Variants in DPY19L3 observed in about 807,000 individuals in gnomAD.
DPY19L3 encodes the protein dpy-19 like C-mannosyltransferase 3, also known as protein C-mannosyl-transferase DPY19L3.
DPY19L3 carries 51 observed loss-of-function variants against 92.3 expected under a neutral mutation model. The ratio of observed to expected loss-of-function variants is 0.55; its 90% CI spans 0.44 to 0.70. The LOEUF (loss-of-function observed/expected upper bound fraction) is 0.70. DPY19L3 is among the 30% of genes least tolerant of loss of function. The pLI is 0.00. For synonymous variants in DPY19L3, 309 were observed against 315.2 expected (o/e 0.98, Z 0.21); for missense variants, 706 against 855.9 (o/e 0.82, Z 2.18).
intron 8 of DPY19L3, among the ~76,000 whole-genome samples, chr19:32,445,450 A>AAAAAAAAAAAAAAAAAAAAAAAAAAAC (rs1969464698): frequency 6.7e-6 from 1 of 148,898 alleles, no homozygotes. Context: ...CAAAAAAAAA[A>AAAAAAAAAAAAAAAAAAAAAAAAAAAC]AAAAAAAAAA....
Position 32,411,301 on chromosome 19 carries a change from T to C in DPY19L3, c.166T>C (p.Cys56Arg). The C allele has an allele frequency of 6.2e-7, 1 of 1,613,760 alleles. No homozygotes were observed. The highest frequency in any genetic ancestry group is 8.5e-7 in the Non-Finnish European group (1 of 1,179,900). ...GACAATTGGTGGAACCATTGCCCTT[T>C]GCATTGGACTTCTTACATCTGTCTA... ...SLTIGGTIAL[C>R]IGLLTSVYLA... is the part of the protein sequence containing the mutation. Residue 56 changes from cysteine to arginine, a missense_variant, in exon 3 of 19, where the codon TGC becomes CGC. Transcript: ENST00000392250.
chr19:32,472,593 A>C (rs1970391603), intron 16 of DPY19L3, among the ~76,000 whole-genome samples: 1 of 151,012 alleles, frequency 6.6e-6, no homozygotes, highest in Non-Finnish European at 1.5e-5. Context: ...GTAGTTTTAA[A>C]GGTTTTCTGT....
chr19:32,423,427 T>TTTTTTTTGG (rs1297462068), intron 3 of DPY19L3, among the ~76,000 whole-genome samples: 1 of 137,590 alleles, frequency 7.3e-6, no homozygotes, highest in Non-Finnish European at 1.7e-5. Flanking sequence ...TTTTGGTATT[T>TTTTTTTTGG]TTAGTAGAGA....
In DPY19L3 at chr19:32,456,014, C is replaced by T. The variant is rs563561549; in HGVS notation, c.1089+974C>T. Among the ~76,000 whole-genome samples, 7 of 151,268 alleles carry T rather than the reference C, an allele frequency of 4.6e-5. No individual in the cohort carries two copies. The East Asian group carries it at 9.7e-4, about 21-fold the overall frequency. On this transcript the variant is annotated intron_variant, in intron 10 of 18. Transcript: ENST00000392250. ...CCACAAGAGAACTGTGGTCCTTGTT[C>T]ACGTCTGTTGACTATCAAAGAAAAA...
At chr19:32,423,964 G>A (rs1968668595) in intron 3 of DPY19L3, among the ~76,000 whole-genome samples, 1 of 151,832 alleles carries the variant, frequency 6.6e-6, no homozygotes, top group Non-Finnish European at 1.5e-5. Context: ...CATTAGCTAA[G>A]ATTGTGCCAT....
rs113575974 is a variant in DPY19L3 at position 32,436,712 on chromosome 19, A to G, written c.450+145A>G. 50 of 745,554 alleles carry G rather than the reference A, an allele frequency of 6.7e-5. 1 individual carries two copies. In the African/African-American group the frequency reaches 7.3e-4, roughly 11 times the overall value. 46.2% of individuals were successfully genotyped at this position (745,554 alleles called of 1,614,324 possible). On this transcript the variant is annotated intron_variant, in intron 5 of 18. Coordinates refer to ENST00000392250, the MANE Select transcript of DPY19L3 (RefSeq NM_001172774.2). ...ACTATATTTTTTTTCCATGTATATT[A>G]TGAACTTTATAAGATACTGCTTTTT...
At chr19:32,448,260 T>C (rs1184803447) in intron 8 of DPY19L3, among the ~76,000 whole-genome samples, 2 of 152,182 alleles carry the variant, frequency 1.3e-5, no homozygotes, top group African/African-American at 2.4e-5. Context: ...TGCTATTTTA[T>C]TAATGTTAAA....
chr19:32,447,292 C>T (rs993918595), intron 8 of DPY19L3, among the ~76,000 whole-genome samples: 12 of 152,080 alleles, frequency 7.9e-5, no homozygotes, highest in African/African-American at 2.9e-4. Context: ...TTAGAAAAGA[C>T]AGAAAGTCTG....
intron 12 of DPY19L3, among the ~76,000 whole-genome samples, chr19:32,461,963 C>T (rs1200811255): frequency 6.6e-6 from 1 of 152,176 alleles, no homozygotes; most frequent in Non-Finnish European, 1.5e-5. Flanking sequence ...TTTCAAGTCC[C>T]TCAGTGGATG....
At chr19:32,439,986 T>C (rs1040933058) in intron 8 of DPY19L3, 76 bp downstream of exon 8, 19 of 1,554,750 alleles carry the variant, frequency 1.2e-5, no homozygotes, top group Middle Eastern at 1.7e-4. Flanking sequence ...GATGAAAATA[T>C]GCAAGTACTT....
chr19:32,449,168 TC>T (rs1167532324), intron 8 of DPY19L3, among the ~76,000 whole-genome samples: 2 of 152,334 alleles, frequency 1.3e-5, no homozygotes, highest in East Asian at 3.9e-4. Flanking sequence ...TACAAACACT[TC>T]CTAGAAAGAA....
chr19:32,423,452 G>C (rs1968648143), intron 3 of DPY19L3, among the ~76,000 whole-genome samples: 3 of 121,288 alleles, frequency 2.5e-5, no homozygotes, highest in Non-Finnish European at 5.3e-5. Context: ...GTTTTGCCAT[G>C]TCAGGCTGTT....
chr19:32,414,024 A>G (rs989917722), intron 3 of DPY19L3, among the ~76,000 whole-genome samples: 1 of 151,918 alleles, frequency 6.6e-6, no homozygotes, highest in Non-Finnish European at 1.5e-5. Context: ...ATGCCCACCT[A>G]TCTCTTTAAA....
At chr19:32,423,967 T>A (rs1231461618) in intron 3 of DPY19L3, among the ~76,000 whole-genome samples, 1 of 151,312 alleles carries the variant, frequency 6.6e-6, no homozygotes, top group Non-Finnish European at 1.5e-5. Flanking sequence ...TAGCTAAGAT[T>A]GTGCCATTGG....
chr19:32,474,599 C>CTT (rs58699279), intron 16 of DPY19L3, among the ~76,000 whole-genome samples: 3 of 151,386 alleles, frequency 2.0e-5, no homozygotes, highest in Non-Finnish European at 4.4e-5. Context: ...AAGCTTTTTT[C>CTT]TTTTTTTTTG....
chr19:32,475,641 A>G (rs917924534), intron 16 of DPY19L3, among the ~76,000 whole-genome samples: 3 of 152,236 alleles, frequency 2.0e-5, no homozygotes, highest in Non-Finnish European at 1.5e-5. Context: ...CAAGGCCCAG[A>G]GTAAGTGTTT....
chr19:32,464,823 T>G, intron 15 of DPY19L3, 39 bp downstream of exon 15: 1 of 1,358,274 alleles, frequency 7.4e-7, no homozygotes, highest in Non-Finnish European at 1.0e-6. Context: ...TTCATGTATT[T>G]AGCAGAATAA....
At chr19:32,465,563 G>A (rs1030031253) in intron 15 of DPY19L3, among the ~76,000 whole-genome samples, 1 of 152,050 alleles carries the variant, frequency 6.6e-6, no homozygotes, top group Non-Finnish European at 1.5e-5. Flanking sequence ...ACTCTACTGT[G>A]TAGAACCCCT....
intron 7 of DPY19L3, among the ~76,000 whole-genome samples, chr19:32,439,501 G>C (rs2145501227): frequency 6.6e-6 from 1 of 152,324 alleles, no homozygotes; most frequent in South Asian, 2.1e-4. Context: ...TCTGCAAACT[G>C]TCAGAATTTT....
Sources: allele counts gnomAD v4.1 joint callset (sites outside exome capture counted in the v4.1 genomes callset), GRCh38; gene constraint gnomAD v4.1.1; transcripts MANE v1.5; gene names NCBI Gene and HGNC (gene_info 2026-07-23, HGNC 2026-07-21).